Variants in WAPL observed in about 807,000 individuals in gnomAD.
The protein encoded by WAPL is wings apart-like protein homolog.
In WAPL, 5 loss-of-function variants were observed where a neutral mutation model predicts 121.0. The ratio of observed to expected loss-of-function variants is 0.04; its 90% CI spans 0.02 to 0.09. The LOEUF is 0.09. WAPL is among the 10% of genes least tolerant of loss of function. The pLI, the probability that WAPL is intolerant of heterozygous loss-of-function variation, is 1.00. For missense variants in WAPL, 999 were observed against 1,410.8 expected, an observed-to-expected ratio of 0.71 and a Z score of 4.68; for synonymous variants, 480 against 481.5, an observed-to-expected ratio of 1.00 and a Z score of 0.04.
chr10:86,443,189 T>G, intron 17 of WAPL, 86 bp downstream of exon 17: 1 of 1,056,514 alleles, frequency 9.5e-7, no homozygotes, highest in Non-Finnish European at 1.4e-6. Flanking sequence ...ACTGAAGAAA[T>G]AAATAAGTGA....
chr10:86,515,864 CTTTTTTT>C (rs377683656), intron 2 of WAPL, among the ~76,000 whole-genome samples: 1 of 101,148 alleles, frequency 9.9e-6, no homozygotes, highest in Non-Finnish European at 1.8e-5. Context: ...CTGTCTATGC[CTTTTTTT>C]TTTTTTTTTT....
intron 18 of WAPL, 80 bp downstream of exon 18, chr10:86,437,840 C>T: frequency 8.6e-7 from 1 of 1,165,784 alleles, no homozygotes; most frequent in Non-Finnish European, 1.2e-6. Flanking sequence ...CTCCCACTTA[C>T]TATGGCCATA....
intron 12 of WAPL, 149 bp downstream of exon 12, chr10:86,458,840 A>G (rs983709659): frequency 2.4e-5 from 13 of 537,718 alleles, no homozygotes; most frequent in Non-Finnish European, 4.1e-5. Context: ...GTACTCTTAA[A>G]ACTTTTGTTA....
chr10:86,458,535 C>G (rs995806619), intron 12 of WAPL, among the ~76,000 whole-genome samples: 1 of 152,122 alleles, frequency 6.6e-6, no homozygotes, highest in African/African-American at 2.4e-5. Flanking sequence ...AGGCTTTGCA[C>G]ATTAACTAAT....
At chr10:86,483,939 A>C (rs1157549451) in intron 4 of WAPL, among the ~76,000 whole-genome samples, 1 of 151,532 alleles carries the variant, frequency 6.6e-6, no homozygotes, top group East Asian at 1.9e-4. Context: ...GACTGGCCTC[A>C]AACTCCTGAC....
chr10:86,436,871 T>C lies in WAPL; in HGVS notation c.*672A>G, dbSNP rs916099872. 15 of 152,628 alleles carry C rather than the reference T, an allele frequency of 9.8e-5. No homozygotes were observed. Among genetic ancestry groups the C allele is most frequent in the African/African-American group, 1.4e-4 (6 of 41,444 alleles). 9.5% of individuals were successfully genotyped at this position (152,628 alleles called of 1,614,324 possible). On this transcript the variant is annotated 3_prime_UTR_variant, in exon 19 of 19. Coordinates refer to ENST00000298767, the MANE Select transcript of WAPL (RefSeq NM_015045.5). Reference sequence around the variant, plus strand: ...CATTATGGTATGATATTGAATATGGTTGTGGTCTCAAAAGTAAAAAATAGT... The same window carrying C: ...CATTATGGTATGATATTGAATATGGCTGTGGTCTCAAAAGTAAAAAATAGT...
At chr10:86,465,777 G>T (rs1360408654) in intron 9 of WAPL, among the ~76,000 whole-genome samples, 2 of 152,128 alleles carry the variant, frequency 1.3e-5, no homozygotes, top group African/African-American at 4.8e-5. Flanking sequence ...TAAAAAACTG[G>T]ATTTATCAGA....
chr10:86,447,476 G>A (rs1849651602), intron 15 of WAPL, among the ~76,000 whole-genome samples: 2 of 152,074 alleles, frequency 1.3e-5, no homozygotes, highest in African/African-American at 4.8e-5. Flanking sequence ...TAAAAAGAAT[G>A]AACCACTACT....
intron 16 of WAPL, among the ~76,000 whole-genome samples, chr10:86,444,616 A>G (rs2132166251): frequency 6.6e-6 from 1 of 152,326 alleles, no homozygotes; most frequent in East Asian, 1.9e-4. Context: ...TGTCCAAAAC[A>G]GGCAAATCCA....
At chr10:86,475,138 C>A (rs751057289) in intron 4 of WAPL, among the ~76,000 whole-genome samples, 1 of 152,138 alleles carries the variant, frequency 6.6e-6, no homozygotes, top group Non-Finnish European at 1.5e-5. Flanking sequence ...CACTGAATTT[C>A]CGAATTGAGA....
intron 17 of WAPL, among the ~76,000 whole-genome samples, chr10:86,442,169 T>G (rs903929707): frequency 2.6e-5 from 4 of 152,142 alleles, no homozygotes; most frequent in African/African-American, 9.7e-5. Flanking sequence ...GTAGCTGAGA[T>G]TAGAGGTGTG....
chr10:86,440,113 ACAG>A (rs1485485768), intron 17 of WAPL, among the ~76,000 whole-genome samples: 1 of 152,214 alleles, frequency 6.6e-6, no homozygotes. Flanking sequence ...CAAGATAGAT[ACAG>A]GCAAACACAA....
intron 17 of WAPL, among the ~76,000 whole-genome samples, chr10:86,439,558 T>A (rs1185013511): frequency 6.6e-6 from 1 of 152,172 alleles, no homozygotes; most frequent in Non-Finnish European, 1.5e-5. Flanking sequence ...TAACAGAATA[T>A]AGCAGGTACA....
intron 4 of WAPL, among the ~76,000 whole-genome samples, chr10:86,493,961 C>T (rs1205468396): frequency 1.3e-5 from 2 of 152,186 alleles, no homozygotes; most frequent in Non-Finnish European, 2.9e-5. Context: ...TGAGATTGCG[C>T]CACTGCACTC....
At chr10:86,460,351 T>C in intron 11 of WAPL, 48 bp downstream of exon 11, 1 of 1,466,060 alleles carries the variant, frequency 6.8e-7, no homozygotes. Context: ...ACACACACAA[T>C]CACAATTAAG....
chr10:86,518,026 T>G lies in WAPL; in HGVS notation c.44A>C (p.Asn15Thr). Reference sequence around the variant, plus strand: ...GACTTCATCGAATTTTGAACTGCCATTTCCACCTTTCCTACTGTATGTTTT... The same window carrying G: ...GACTTCATCGAATTTTGAACTGCCAGTTCCACCTTTCCTACTGTATGTTTT... The part of the protein sequence containing the change: ...FGKTYSRKGG[N>T]GSSKFDEVFS... Residue 15 changes from asparagine (N) to threonine (T), a missense_variant, in exon 2 of 19, where the codon AAT (asparagine) becomes ACT (threonine). Asn to Thr is a moderately conservative substitution (Grantham distance 65). Transcript: ENST00000298767. 3 of 1,614,200 alleles carry G rather than the reference T, an allele frequency of 1.9e-6. No individual in the cohort carries two copies. The highest frequency in any genetic ancestry group is 2.5e-6 in the Non-Finnish European group (3 of 1,180,030).
At chr10:86,480,690 A>C (rs954462942) in intron 4 of WAPL, among the ~76,000 whole-genome samples, 1 of 152,234 alleles carries the variant, frequency 6.6e-6, no homozygotes, top group Non-Finnish European at 1.5e-5. Flanking sequence ...ATTTTCCTTT[A>C]AAAACATTTA....
chr10:86,485,405 C>A (rs1841909076), intron 4 of WAPL, among the ~76,000 whole-genome samples: 1 of 151,932 alleles, frequency 6.6e-6, no homozygotes, highest in Admixed American at 6.6e-5. Flanking sequence ...GACATGGTGG[C>A]ACCCACCTGT....
intron 4 of WAPL, among the ~76,000 whole-genome samples, chr10:86,496,401 A>G (rs1203012453): frequency 6.6e-6 from 1 of 152,164 alleles, no homozygotes; most frequent in Non-Finnish European, 1.5e-5. Flanking sequence ...AGAAAGTTAT[A>G]GGCCTACCAT....
Sources: allele counts gnomAD v4.1 joint callset (sites outside exome capture counted in the v4.1 genomes callset), GRCh38; gene constraint gnomAD v4.1.1; transcripts MANE v1.5; gene names NCBI Gene and HGNC (gene_info 2026-07-23, HGNC 2026-07-21).